Variants in CACNG2 observed in about 807,000 individuals in gnomAD.
CACNG2 encodes the protein voltage-dependent calcium channel gamma-2 subunit.
CACNG2 carries 3 observed loss-of-function variants against 25.9 expected under a neutral mutation model. The ratio of observed to expected loss-of-function variants is 0.12; its 90% CI spans 0.05 to 0.30. The LOEUF (loss-of-function observed/expected upper bound fraction) is 0.30, where lower values mean the gene tolerates loss of function less well. CACNG2 is among the 10% of genes least tolerant of loss of function. The pLI is 1.00. For missense variants in CACNG2, 341 were observed against 432.5 expected, an observed-to-expected ratio of 0.79 and a Z score of 1.88; for synonymous variants, 167 against 173.3, an observed-to-expected ratio of 0.96 and a Z score of 0.29.
intron 1 of CACNG2, among the ~76,000 whole-genome samples, chr22:36,658,215 T>TG (rs1936737288): frequency 6.6e-6 from 1 of 151,934 alleles, no homozygotes; most frequent in African/African-American, 2.4e-5. Flanking sequence ...TGAACTTGAG[T>TG]GGGGGCAGGT....
chr22:36,655,315 G>A (rs535723412), intron 1 of CACNG2, among the ~76,000 whole-genome samples: 11 of 152,178 alleles, frequency 7.2e-5, no homozygotes, highest in Admixed American at 1.3e-4. Flanking sequence ...TTTTCTACCT[G>A]AGGTCTTGGT....
chr22:36,627,152 C>A (rs1296286437), intron 1 of CACNG2, among the ~76,000 whole-genome samples: 1 of 150,890 alleles, frequency 6.6e-6, no homozygotes, highest in Non-Finnish European at 1.5e-5. Context: ...TGAAAGCCCC[C>A]CACTCCCTCC....
intron 1 of CACNG2, among the ~76,000 whole-genome samples, chr22:36,640,757 G>A (rs1936432783): frequency 6.6e-6 from 1 of 152,220 alleles, no homozygotes; most frequent in Admixed American, 6.5e-5. Flanking sequence ...GCCAGCTTCT[G>A]AAAACCCAAG....
intron 1 of CACNG2, among the ~76,000 whole-genome samples, chr22:36,621,106 T>A (rs765638): frequency 0.22 from 33,455 of 152,210 alleles, 5,856 homozygotes; most frequent in African/African-American, 0.49. Context: ...TGGATGAATG[T>A]CTAATGGATC....
chr22:36,693,078 G>A (rs138436834), intron 1 of CACNG2, among the ~76,000 whole-genome samples: 2 of 152,264 alleles, frequency 1.3e-5, no homozygotes, highest in African/African-American at 4.8e-5. Context: ...CCCAGCAGAC[G>A]GAGGCTGCAG....
chr22:36,606,279 G>A lies in CACNG2; in HGVS notation c.212-18731C>T, dbSNP rs1410736597. On this transcript the variant is annotated intron_variant, in intron 1 of 3. Transcript: ENST00000300105. The surrounding 1 kb of genome is among the most constrained non-coding windows in gnomAD (Gnocchi z 5.7). Reference sequence around the variant, plus strand: ...ATGAAACCACAAGGGCAGCGAGGGCGTTGGCTGGTCGCCGGGAACAAGCTG... The same window carrying A: ...ATGAAACCACAAGGGCAGCGAGGGCATTGGCTGGTCGCCGGGAACAAGCTG... Among the ~76,000 whole-genome samples, 5 of 152,216 alleles carry A rather than the reference G, an allele frequency of 3.3e-5. No individual in the cohort carries two copies. The highest frequency in any genetic ancestry group is 2.1e-4 in the South Asian group (1 of 4,822).
chr22:36,620,476 C>T (rs565110047), intron 1 of CACNG2, among the ~76,000 whole-genome samples: 2 of 152,328 alleles, frequency 1.3e-5, no homozygotes, highest in South Asian at 4.1e-4. Flanking sequence ...TAAACAATCA[C>T]CACGTAGAAA....
intron 1 of CACNG2, among the ~76,000 whole-genome samples, chr22:36,638,550 T>C (rs1484066717): frequency 6.6e-6 from 1 of 152,208 alleles, no homozygotes. Flanking sequence ...AGTTTTTCTC[T>C]GGATGACTTC....
chr22:36,696,595 C>G (rs1237263816), intron 1 of CACNG2, among the ~76,000 whole-genome samples: 2 of 152,168 alleles, frequency 1.3e-5, no homozygotes, highest in Non-Finnish European at 2.9e-5. Flanking sequence ...GTGAGCAGAA[C>G]AGATGAAAAT....
chr22:36,566,627 A>C (rs539425779), intron 2 of CACNG2, 134 bp from the exon 3 acceptor site: 1 of 958,204 alleles, frequency 1.0e-6, no homozygotes, highest in African/African-American at 1.6e-5. Flanking sequence ...GTTGCTTTGC[A>C]ATCCTAGGGA....
chr22:36,635,504 C>T (rs1016511248), intron 1 of CACNG2, among the ~76,000 whole-genome samples: 1 of 151,688 alleles, frequency 6.6e-6, no homozygotes, highest in African/African-American at 2.4e-5. Context: ...ACAGAAACAA[C>T]CCAAACATCT....
chr22:36,681,572 A>G (rs932561416), intron 1 of CACNG2, among the ~76,000 whole-genome samples: 13 of 152,124 alleles, frequency 8.5e-5, no homozygotes, highest in African/African-American at 3.1e-4. Context: ...TTTTATTCCA[A>G]ATATATTTTT....
intron 1 of CACNG2, among the ~76,000 whole-genome samples, chr22:36,608,698 A>G (rs759649733): frequency 6.6e-6 from 1 of 150,810 alleles, no homozygotes; most frequent in Non-Finnish European, 1.5e-5. Flanking sequence ...AAATTCCTCA[A>G]CATCTTTTTT....
chr22:36,623,604 T>G (rs192029886), intron 1 of CACNG2, among the ~76,000 whole-genome samples: 118 of 152,164 alleles, frequency 7.8e-4, no homozygotes, highest in East Asian at 5.2e-3. Flanking sequence ...CCCCGGTGAC[T>G]TCGTTAGCTG....
intron 1 of CACNG2, among the ~76,000 whole-genome samples, chr22:36,644,399 A>G (rs1317212152): frequency 1.3e-5 from 2 of 152,176 alleles, no homozygotes; most frequent in African/African-American, 4.8e-5. Flanking sequence ...GAGCTGCTCT[A>G]TTGTCTGGGC....
In CACNG2 at chr22:36,564,279, G is replaced by T. The variant is rs1935084463; in HGVS notation, c.*72C>A. 2.1e-6 allele frequency: 3 copies of T among 1,427,320 alleles called. No homozygotes were observed. The highest frequency in any genetic ancestry group is 1.3e-5 in the South Asian group (1 of 79,436). The allele number at this position is 1,427,320 out of a possible 1,614,324, so 88.4% of individuals were successfully genotyped here. A position where few individuals can be genotyped will look rare whatever the true frequency, so the allele number is the denominator to read the frequency against. ...GGAAGGTCTCCCAGCGGAGGGTCTG[G>T]GTCTCCCCGCCCCGCCCCGCCCCCG... is the stretch of plus-strand genomic sequence containing the variant. On this transcript the variant is annotated 3_prime_UTR_variant, in exon 4 of 4. Coordinates refer to ENST00000300105, the MANE Select transcript of CACNG2 (RefSeq NM_006078.5). This position sits in a 1 kb window ranked among gnomAD's most constrained non-coding sequence, Gnocchi z 6.7.
Position 36,669,799 on chromosome 22 carries a change from G to A in CACNG2, c.211+32567C>T, listed in dbSNP as rs12167262. On this transcript the variant is annotated intron_variant, in intron 1 of 3. Transcript: ENST00000300105. ...GAGATCTCAGCTCACTGCAACCTCC[G>A]CCTCCCGGGTTCAAGCAATTCTCCT... Among the ~76,000 whole-genome samples the A allele has an allele frequency of 7.2e-3, 1,099 of 151,986 alleles. 16 individuals are homozygous for A. Among genetic ancestry groups the A allele is most frequent in the African/African-American group, 0.025 (1,045 of 41,458 alleles).
At chr22:36,675,683 C>G (rs988740545) in intron 1 of CACNG2, among the ~76,000 whole-genome samples, 2 of 152,252 alleles carry the variant, frequency 1.3e-5, no homozygotes, top group African/African-American at 4.8e-5. Context: ...GAGGGCCCAG[C>G]TCACAGCTCC....
chr22:36,679,535 C>A (rs1479395218), intron 1 of CACNG2, among the ~76,000 whole-genome samples: 1 of 152,168 alleles, frequency 6.6e-6, no homozygotes, highest in Non-Finnish European at 1.5e-5. Flanking sequence ...CATATGAAAT[C>A]TACTAAACAG....
Sources: allele counts gnomAD v4.1 joint callset (sites outside exome capture counted in the v4.1 genomes callset), GRCh38; gene constraint gnomAD v4.1.1; non-coding constraint Gnocchi (gnomAD v3.1); transcripts MANE v1.5; gene names NCBI Gene and HGNC (gene_info 2026-07-23, HGNC 2026-07-21).